Variants in CSMD3 observed in about 807,000 individuals in gnomAD.
CSMD3 encodes CUB and Sushi multiple domains 3, also known as CUB and sushi domain-containing protein 3.
CSMD3 carries 177 observed loss-of-function variants against 435.2 expected under a neutral mutation model. The observed-to-expected ratio is 0.41, with a 90% confidence interval of 0.36 to 0.46. CSMD3 has a LOEUF of 0.46. CSMD3 is among the 20% of genes least tolerant of loss of function. CSMD3 has a pLI of 0.34. For missense variants in CSMD3, 4,265 were observed against 4,504.6 expected (o/e 0.95, Z 1.52); for synonymous variants, 1,656 against 1,520.5 (o/e 1.09, Z -2.07).
chr8:112,899,709 A>G (rs2082056658), intron 10 of CSMD3, among the ~76,000 whole-genome samples: 1 of 144,380 alleles, frequency 6.9e-6, no homozygotes, highest in African/African-American at 2.5e-5. Context: ...AGCCATCATA[A>G]CAGGTATGCT....
intron 26 of CSMD3, among the ~76,000 whole-genome samples, chr8:112,551,330 T>C (rs1827668035): frequency 1.3e-5 from 2 of 152,130 alleles, no homozygotes; most frequent in East Asian, 1.9e-4. Flanking sequence ...AAGAGTGGCA[T>C]AGTCAAAAAT....
At chr8:113,176,085 G>C (rs896629246) in intron 3 of CSMD3, among the ~76,000 whole-genome samples, 15 of 152,048 alleles carry the variant, frequency 9.9e-5, no homozygotes, top group South Asian at 6.2e-4. Flanking sequence ...AATCTTAATA[G>C]ATTACCTAAT....
At chr8:112,603,242 G>A (rs1012017047) in intron 22 of CSMD3, among the ~76,000 whole-genome samples, 7 of 152,144 alleles carry the variant, frequency 4.6e-5, no homozygotes, top group Admixed American at 3.9e-4. Flanking sequence ...TTCCAGCATT[G>A]CTAGTGTCAC....
chr8:113,404,186 T>C (rs1448432419), intron 1 of CSMD3, among the ~76,000 whole-genome samples: 1 of 151,380 alleles, frequency 6.6e-6, no homozygotes, highest in African/African-American at 2.4e-5. Flanking sequence ...ACTATATGAA[T>C]AATAAAAAGT....
Position 112,263,709 on chromosome 8 carries a change from C to T in CSMD3, c.9792G>A (p.Glu3264=), listed in dbSNP as rs765381502. The stretch of plus-strand genomic sequence containing the variant: ...AGGTCAAAACAGCAGGGAAGGATAG[C>T]TCATAGCCTGGAGAACAGATGTAGC... ...SISYICSPGY[E]LSFPAVLTCV... is the part of the protein sequence containing the mutation. The change falls in exon 61 of 71, where the codon GAG becomes GAA. Residue 3264 remains glutamate, a synonymous_variant. Transcript: ENST00000297405. 3.7e-6 allele frequency: 6 copies of T among 1,613,784 alleles called. No homozygotes were observed. The African/African-American group carries it at 6.7e-5, about 18-fold the overall frequency.
At chr8:112,575,003 T>C (rs1342195337) in intron 23 of CSMD3, among the ~76,000 whole-genome samples, 2 of 151,970 alleles carry the variant, frequency 1.3e-5, no homozygotes, top group Non-Finnish European at 2.9e-5. Context: ...AATGGAATGT[T>C]TTATTATTAT....
intron 3 of CSMD3, among the ~76,000 whole-genome samples, chr8:113,257,695 T>G (rs1040599033): frequency 6.6e-6 from 1 of 152,198 alleles, no homozygotes; most frequent in African/African-American, 2.4e-5. Flanking sequence ...ATACTCAACA[T>G]CAGGAAATTA....
intron 58 of CSMD3, among the ~76,000 whole-genome samples, chr8:112,284,141 C>T (rs1818939846): frequency 1.3e-5 from 2 of 151,840 alleles, no homozygotes; most frequent in South Asian, 4.1e-4. Flanking sequence ...TAAAACTTTG[C>T]TTGTGTTCAC....
At chr8:113,267,497 T>C (rs1363781262) in intron 3 of CSMD3, among the ~76,000 whole-genome samples, 2 of 151,576 alleles carry the variant, frequency 1.3e-5, no homozygotes, top group Non-Finnish European at 3.0e-5. Flanking sequence ...CAAGCACAAA[T>C]AGACAAATAT....
At chr8:112,682,728 G>C (rs1269981841) in intron 15 of CSMD3, 92 bp from the exon 16 acceptor site, 1 of 900,630 alleles carries the variant, frequency 1.1e-6, no homozygotes. Flanking sequence ...GAGAGAGAAA[G>C]AGATATTTTA....
At chr8:112,317,345 A>G (rs1248405715) in intron 47 of CSMD3, among the ~76,000 whole-genome samples, 1 of 152,072 alleles carries the variant, frequency 6.6e-6, no homozygotes, top group Non-Finnish European at 1.5e-5. Context: ...GGATTCAGAT[A>G]TAAAAACAAG....
At chr8:113,263,547 T>C (rs1272175512) in intron 3 of CSMD3, among the ~76,000 whole-genome samples, 2 of 151,914 alleles carry the variant, frequency 1.3e-5, no homozygotes, top group Non-Finnish European at 2.9e-5. Flanking sequence ...CCTGTTATTA[T>C]GACTTTGCAA....
intron 22 of CSMD3, among the ~76,000 whole-genome samples, chr8:112,591,495 A>T (rs1353987795): frequency 7.2e-5 from 11 of 152,128 alleles, no homozygotes; most frequent in African/African-American, 2.7e-4. Context: ...GCTTTTCAGC[A>T]ATTTGACTGG....
intron 1 of CSMD3, among the ~76,000 whole-genome samples, chr8:113,362,580 G>A (rs539876721): frequency 5.3e-5 from 8 of 152,194 alleles, no homozygotes; most frequent in African/African-American, 1.4e-4. Flanking sequence ...TTTTAAGCCC[G>A]AGGCAAATTA....
At chr8:112,928,585 A>G (rs1466460896) in intron 9 of CSMD3, among the ~76,000 whole-genome samples, 1 of 150,742 alleles carries the variant, frequency 6.6e-6, no homozygotes, top group Non-Finnish European at 1.5e-5. Context: ...ATGATTTCCA[A>G]TTTCATCCAT....
chr8:113,423,989 T>A (rs1176765024), intron 1 of CSMD3, among the ~76,000 whole-genome samples: 2 of 151,856 alleles, frequency 1.3e-5, no homozygotes, highest in African/African-American at 4.8e-5. Flanking sequence ...TTACTATTTG[T>A]TGTGTTAATA....
chr8:113,416,547 T>A (rs2094582393), intron 1 of CSMD3, among the ~76,000 whole-genome samples: 1 of 152,098 alleles, frequency 6.6e-6, no homozygotes, highest in African/African-American at 2.4e-5. Flanking sequence ...CACCCACCTG[T>A]TACCTCCATG....
chr8:112,569,791 C>T (rs1385541982), intron 24 of CSMD3, among the ~76,000 whole-genome samples: 1 of 152,126 alleles, frequency 6.6e-6, no homozygotes, highest in South Asian at 2.1e-4. Flanking sequence ...TCTTCCTAAT[C>T]TCTGTGTCTT....
chr8:112,740,425 C>T (rs1301494227), intron 13 of CSMD3, among the ~76,000 whole-genome samples: 2 of 151,372 alleles, frequency 1.3e-5, no homozygotes, highest in African/African-American at 4.9e-5. Context: ...TTTATATTGA[C>T]CTTCCTCACT....
Sources: gnomAD v4.1 joint callset for allele counts (sites outside exome capture counted in the v4.1 genomes callset) on GRCh38, gnomAD v4.1.1 for gene constraint, MANE v1.5 for transcripts, NCBI Gene and HGNC (gene_info 2026-07-23, HGNC 2026-07-21) for gene names.